Variants in UNC13C observed in about 807,000 individuals in gnomAD.
UNC13C encodes unc-13 homolog C, also known as protein unc-13 homolog C.
A neutral mutation model predicts 245.4 loss-of-function variants in UNC13C; 174 were observed. The observed-to-expected ratio is 0.71, with a 90% confidence interval of 0.63 to 0.80. The LOEUF (loss-of-function observed/expected upper bound fraction) is 0.80. Among genes scored for constraint, UNC13C ranks in the 30% least tolerant of loss-of-function variants. The pLI is 0.00. For synonymous variants in UNC13C, 992 were observed against 895.1 expected (o/e 1.11, Z -1.93); for missense variants, 2,829 against 2,602.9 (o/e 1.09, Z -1.89).
chr15:54,260,841 T>A (rs899640398), intron 8 of UNC13C, among the ~76,000 whole-genome samples: 6 of 140,712 alleles, frequency 4.3e-5, no homozygotes, highest in Non-Finnish European at 9.3e-5. Flanking sequence ...TATCTATAGA[T>A]ACTTCTTCAG....
At chr15:54,304,808 C>G (rs2037684646) in intron 13 of UNC13C, among the ~76,000 whole-genome samples, 1 of 152,000 alleles carries the variant, frequency 6.6e-6, no homozygotes, top group African/African-American at 2.4e-5. Flanking sequence ...TGTTGACAAT[C>G]TGATCAATCC....
chr15:54,565,010 C>T (rs1254467871), intron 29 of UNC13C, among the ~76,000 whole-genome samples: 1 of 151,900 alleles, frequency 6.6e-6, no homozygotes, highest in Admixed American at 6.6e-5. Flanking sequence ...TGGGATTGTC[C>T]TCTGTCTCTA....
chr15:54,445,187 T>A (rs1890740718), intron 19 of UNC13C, among the ~76,000 whole-genome samples: 1 of 152,156 alleles, frequency 6.6e-6, no homozygotes, highest in African/African-American at 2.4e-5. Flanking sequence ...GGTGTATATG[T>A]GCCACATTTT....
At chr15:54,418,163 T>C (rs1376224038) in intron 19 of UNC13C, among the ~76,000 whole-genome samples, 2 of 152,170 alleles carry the variant, frequency 1.3e-5, no homozygotes. Context: ...GAATGCCTTT[T>C]AGCCTCAATC....
chr15:54,539,598 C>T (rs1376602306), intron 26 of UNC13C, among the ~76,000 whole-genome samples: 1 of 151,970 alleles, frequency 6.6e-6, no homozygotes, highest in Admixed American at 6.6e-5. Context: ...CAGGCCCAAG[C>T]GATCCCAATT....
intron 2 of UNC13C, among the ~76,000 whole-genome samples, chr15:54,073,696 G>A (rs1290865429): frequency 6.6e-6 from 1 of 151,896 alleles, no homozygotes; most frequent in Non-Finnish European, 1.5e-5. Flanking sequence ...ACAAGTATCT[G>A]TCCACATCCT....
In UNC13C at chr15:54,333,864, A is replaced by G. The variant is rs2038504511; in HGVS notation, c.4584+8A>G. ...ACCTTTTTTAGGATGAAGGTATCTC[A>G]TTTTATTTCTGTCACTGTTTTGTTG... On this transcript the variant is annotated splice_region_variant and intron_variant, in intron 16 of 32. Coordinates refer to ENST00000260323, the MANE Select transcript of UNC13C (RefSeq NM_001080534.3). 1 of 1,575,000 alleles carries G rather than the reference A, an allele frequency of 6.3e-7. No homozygotes were observed. The highest frequency in any genetic ancestry group is 1.1e-5 in the South Asian group (1 of 87,124).
chr15:54,573,478 A>T (rs1897840603), intron 30 of UNC13C, among the ~76,000 whole-genome samples: 1 of 152,232 alleles, frequency 6.6e-6, no homozygotes. Flanking sequence ...CTGAGAATTT[A>T]ATATATAAGA....
the UNC13C span, among the ~76,000 whole-genome samples, chr15:53,869,512 A>C: frequency 6.6e-6 from 1 of 152,228 alleles, no homozygotes; most frequent in East Asian, 1.9e-4. Context: ...CTTCATTAGA[A>C]TAACTCCTTG....
At chr15:54,620,899 T>G (rs1434358457) in intron 30 of UNC13C, among the ~76,000 whole-genome samples, 1 of 151,926 alleles carries the variant, frequency 6.6e-6, no homozygotes, top group Admixed American at 6.6e-5. Flanking sequence ...CTCCTGGTGG[T>G]AGTCTCCCTG....
At chr15:54,473,477 T>C (rs1228063156) in intron 19 of UNC13C, among the ~76,000 whole-genome samples, 1 of 151,914 alleles carries the variant, frequency 6.6e-6, no homozygotes, top group Non-Finnish European at 1.5e-5. Context: ...ACTTTATGTT[T>C]GCACCCATTA....
intron 7 of UNC13C, among the ~76,000 whole-genome samples, chr15:54,245,749 A>G (rs1298911993): frequency 6.6e-6 from 1 of 152,170 alleles, no homozygotes; most frequent in African/African-American, 2.4e-5. Flanking sequence ...AAGAGTAGAT[A>G]TATTTTTTTC....
intron 30 of UNC13C, among the ~76,000 whole-genome samples, chr15:54,615,329 T>C (rs1408308857): frequency 6.6e-6 from 1 of 152,104 alleles, no homozygotes; most frequent in African/African-American, 2.4e-5. Flanking sequence ...TGGTTACTGA[T>C]AGATGCAGTG....
Position 54,236,265 on chromosome 15 carries a change from T to C in UNC13C, c.3151-165T>C, listed in dbSNP as rs115305141. On this transcript the variant is annotated intron_variant, in intron 5 of 32. Coordinates refer to ENST00000260323, the MANE Select transcript of UNC13C (RefSeq NM_001080534.3). ...TATGATCCTGACTGAAAAGATCTTATACTGGAAAGTATAACATGTCAGTAC... is the reference window on the plus strand; with the variant it reads ...TATGATCCTGACTGAAAAGATCTTACACTGGAAAGTATAACATGTCAGTAC... 3.6e-3 allele frequency among the ~76,000 whole-genome samples: 544 copies of C among 152,350 alleles called. 8 individuals carry two copies. Among genetic ancestry groups the C allele is most frequent in the African/African-American group, 0.013 (528 of 41,586 alleles).
chr15:54,385,400 G>A (rs770659156), intron 17 of UNC13C, among the ~76,000 whole-genome samples: 9 of 151,988 alleles, frequency 5.9e-5, no homozygotes, highest in Non-Finnish European at 1.0e-4. Flanking sequence ...CAGTCACATG[G>A]GTGGAACTGG....
At chr15:54,465,104 ATGCT>A (rs1426531166) in intron 19 of UNC13C, among the ~76,000 whole-genome samples, 3 of 152,070 alleles carry the variant, frequency 2.0e-5, no homozygotes, top group African/African-American at 7.2e-5. Context: ...CTTTTGGAAT[ATGCT>A]TGTGAGGTAC....
the UNC13C span, among the ~76,000 whole-genome samples, chr15:53,881,049 C>G: frequency 6.6e-6 from 1 of 152,062 alleles, no homozygotes; most frequent in Non-Finnish European, 1.5e-5. Context: ...ACAGTCTGAG[C>G]CAAGTTTTCA....
In UNC13C at chr15:54,259,715, C is replaced by A. The variant is rs193298937; in HGVS notation, c.3449-4453C>A. Among the ~76,000 whole-genome samples, 158 of 152,306 alleles carry A rather than the reference C, an allele frequency of 1.0e-3. 1 individual carries two copies. Among genetic ancestry groups the A allele is most frequent in the African/African-American group, 3.7e-3 (155 of 41,568 alleles). On this transcript the variant is annotated intron_variant, in intron 8 of 32. Transcript: ENST00000260323. ...TAAAAGTGATACTCTTTATATATTT[C>A]TTCCATTTATAGTTGGCATTCATGT...
At chr15:54,144,300 G>C (rs1191445288) in intron 4 of UNC13C, among the ~76,000 whole-genome samples, 1 of 148,646 alleles carries the variant, frequency 6.7e-6, no homozygotes, top group Non-Finnish European at 1.5e-5. Flanking sequence ...ACGTATCTGT[G>C]TTCATATAAA....
Sources: allele counts gnomAD v4.1 joint callset (sites outside exome capture counted in the v4.1 genomes callset), GRCh38; gene constraint gnomAD v4.1.1; transcripts MANE v1.5; gene names NCBI Gene and HGNC (gene_info 2026-07-23, HGNC 2026-07-21).